Variants in MGST1 observed in about 807,000 individuals in gnomAD.
MGST1 encodes glutathione S-transferase 12.
A neutral mutation model predicts 8.9 loss-of-function variants in MGST1; 5 were observed. That is an observed-to-expected ratio of 0.56 (90% CI 0.29 to 1.19). The LOEUF is 1.19. Ranked by LOEUF, MGST1 falls within the 50% of genes most tolerant of loss-of-function variation. MGST1 has a pLI of 0.08. For missense variants in MGST1, 182 were observed against 187.4 expected (o/e 0.97, Z 0.17); for synonymous variants, 54 against 67.8 (o/e 0.80, Z 1.00).
rs576697471 is a variant in MGST1 at position 16,586,327 on chromosome 12, A to G, written n.483-3201A>G. 1.8e-4 allele frequency among the ~76,000 whole-genome samples: 27 copies of G among 152,316 alleles called. No homozygotes were observed. The highest frequency in any genetic ancestry group is 6.5e-4 in the African/African-American group (27 of 41,584). ...GATGAAGTCCACATACGGAACAACT[A>G]AGAAACAACTAAAACACGTGCATGA... On this transcript the variant is annotated intron_variant and non_coding_transcript_variant, in intron 4 of 4. Transcript: ENST00000538857. The surrounding 1 kb of genome is among the most constrained non-coding windows in gnomAD (Gnocchi z 4.3).
chr12:16,448,258 A>G (rs1266877669), intron 4 of MGST1, among the ~76,000 whole-genome samples: 1 of 151,930 alleles, frequency 6.6e-6, no homozygotes, highest in African/African-American at 2.4e-5. Context: ...CCTATAATTT[A>G]TATAATTAAC....
intron 4 of MGST1, among the ~76,000 whole-genome samples, chr12:16,459,761 A>T (rs181960835): frequency 2.2e-4 from 34 of 152,176 alleles, no homozygotes; most frequent in Admixed American, 2.2e-3. Flanking sequence ...CAGCTTCTCA[A>T]CCACATCTTT....
intron 1 of MGST1, among the ~76,000 whole-genome samples, chr12:16,421,630 C>G (rs558164604): frequency 6.6e-6 from 1 of 152,304 alleles, no homozygotes; most frequent in South Asian, 2.1e-4. Context: ...TTCCATCACT[C>G]TATCAAACCT....
At chr12:16,510,169 G>T (rs1163496368) in intron 4 of MGST1, among the ~76,000 whole-genome samples, 1 of 152,144 alleles carries the variant, frequency 6.6e-6, no homozygotes, top group African/African-American at 2.4e-5. Flanking sequence ...CTGTCAGATG[G>T]CAGTGGCTCC....
intron 4 of MGST1, among the ~76,000 whole-genome samples, chr12:16,570,299 A>C (rs757268911): frequency 6.6e-6 from 1 of 152,158 alleles, no homozygotes; most frequent in Non-Finnish European, 1.5e-5. Flanking sequence ...TTAGAGACTC[A>C]TAATTACCTT....
In MGST1 at chr12:16,507,718, G is replaced by A. The variant is rs1289298793; in HGVS notation, n.483-81810G>A. ...GGGAGCAGGAGACAGAGAGAGAAGG[G>A]GGAAGTGCTACACTTTCAAACAACC... On this transcript the variant is annotated intron_variant and non_coding_transcript_variant, in intron 4 of 4. Coordinates refer to the MGST1 transcript ENST00000538857. 4.6e-5 allele frequency among the ~76,000 whole-genome samples: 7 copies of A among 152,020 alleles called. No individual in the cohort carries two copies. In the East Asian group the frequency reaches 1.4e-3, roughly 29 times the overall value.
intron 4 of MGST1, among the ~76,000 whole-genome samples, chr12:16,519,646 A>AT (rs11381851): frequency 0.99 from 150,592 of 152,130 alleles, 74,556 homozygotes; most frequent in East Asian, 1. Context: ...AATAGACTAC[A>AT]TTTTTTTACA....
intron 1 of MGST1, among the ~76,000 whole-genome samples, chr12:16,396,128 T>G (rs1940603279): frequency 6.6e-6 from 1 of 152,082 alleles, no homozygotes; most frequent in Non-Finnish European, 1.5e-5. Flanking sequence ...ATTTTTTTTA[T>G]TATGGCCATT....
rs1197409484 is a variant in MGST1, at chr12:16,576,610, CATA to C, written n.483-12913_483-12911del. ...GTACCTGTTTGTCTCTTTCTCACTA[CATA>C]ATAAGCTCCCTGAAAACTTGCCTTC... On this transcript the variant is annotated intron_variant and non_coding_transcript_variant, in intron 4 of 4. Transcript: ENST00000538857. The surrounding 1 kb of genome is among the most constrained non-coding windows in gnomAD (Gnocchi z 4.1). Among the ~76,000 whole-genome samples, 1 of 152,176 alleles carries C rather than the reference CATA, an allele frequency of 6.6e-6. No homozygotes were observed. The highest frequency in any genetic ancestry group is 2.4e-5 in the African/African-American group (1 of 41,452).
chr12:16,434,620 T>A (rs552007665), intron 1 of MGST1, among the ~76,000 whole-genome samples: 1 of 152,180 alleles, frequency 6.6e-6, no homozygotes, highest in South Asian at 2.1e-4. Flanking sequence ...TCTTTTTCTT[T>A]CTTCTCCCCC....
In MGST1 at chr12:16,397,874, A is replaced by G. The variant is rs530415229; in HGVS notation, n.778+14270A>G. On this transcript the variant is annotated intron_variant and non_coding_transcript_variant, in intron 1 of 1. Transcript: ENST00000359720. ...ATATTTAATATATATTTTAGTGTCA[A>G]CTAAACTAAATATGTATATATTTAG... 1.7e-4 allele frequency among the ~76,000 whole-genome samples: 26 copies of G among 150,118 alleles called. No individual in the cohort carries two copies. The East Asian group carries it at 2.9e-3, about 17-fold the overall frequency.
chr12:16,360,231 G>A, intron 3 of MGST1: 2 of 499,214 alleles, frequency 4.0e-6, no homozygotes, highest in South Asian at 8.6e-5. Context: ...TTCAGAGAGA[G>A]CGTTTCCAGC....
intron 1 of MGST1, among the ~76,000 whole-genome samples, chr12:16,408,032 A>G (rs1940711130): frequency 1.0e-5 from 1 of 100,060 alleles, no homozygotes; most frequent in South Asian, 2.8e-4. Flanking sequence ...CTCTGTCTCA[A>G]AAAAAAAAAA....
rs571479138 is a variant in MGST1, at chr12:16,420,279, A to G, written n.779-17109A>G. ...AGCAAAATGCACTAATTGAAGATTC[A>G]GATCTTTTGATTGAAGAAGCCAATT... On this transcript the variant is annotated intron_variant and non_coding_transcript_variant, in intron 1 of 1. Transcript: ENST00000359720. Among the ~76,000 whole-genome samples, 6 of 152,310 alleles carry G rather than the reference A, an allele frequency of 3.9e-5. No individual in the cohort carries two copies. The South Asian group carries it at 1.0e-3, about 26-fold the overall frequency.
At chr12:16,366,881 G>C (rs1277526174), downstream of MGST1, among the ~76,000 whole-genome samples, 1 of 152,112 alleles carries the variant, frequency 6.6e-6, no homozygotes, top group Non-Finnish European at 1.5e-5. The surrounding 1 kb of genome is among the most constrained non-coding windows in gnomAD (Gnocchi z 4.0). Flanking sequence ...CTAGGGCAAT[G>C]ATGGGAGTTT....
chr12:16,360,497 C>A, intron 3 of MGST1: 2 of 353,664 alleles, frequency 5.7e-6, no homozygotes, highest in Non-Finnish European at 7.9e-6. Context: ...TATTTGAGTT[C>A]TGGAAAGACA....
downstream of MGST1, among the ~76,000 whole-genome samples, chr12:16,440,784 T>G (rs772493293): frequency 6.6e-6 from 1 of 151,832 alleles, no homozygotes; most frequent in Admixed American, 6.6e-5. Flanking sequence ...TGTTGAGTTA[T>G]AGAATTGGTT....
intron 1 of MGST1, among the ~76,000 whole-genome samples, chr12:16,416,036 G>T (rs117782539): frequency 6.6e-6 from 1 of 152,078 alleles, no homozygotes; most frequent in Non-Finnish European, 1.5e-5. Flanking sequence ...ATGTGCATTT[G>T]TATATAATCA....
chr12:16,356,328 A>G (rs1329071428), intron 2 of MGST1, among the ~76,000 whole-genome samples: 1 of 152,106 alleles, frequency 6.6e-6, no homozygotes, highest in Admixed American at 6.6e-5. Flanking sequence ...TATTCAACAT[A>G]TATTTATTGT....
Sources: gnomAD v4.1 joint callset for allele counts (sites outside exome capture counted in the v4.1 genomes callset) on GRCh38, gnomAD v4.1.1 for gene constraint, Gnocchi (gnomAD v3.1) non-coding constraint, MANE v1.5 for transcripts, NCBI Gene and HGNC (gene_info 2026-07-23, HGNC 2026-07-21) for gene names.